The following PDE3A variants were observed in gnomAD, a reference collection of about 807,000 sequenced individuals.
PDE3A encodes cGMP-inhibited 3',5'-cyclic phosphodiesterase 3A.
Under a neutral mutation model 98.3 loss-of-function variants are expected in PDE3A, and 43 were observed. The observed-to-expected ratio is 0.44, with a 90% CI of 0.34 to 0.56. PDE3A has a LOEUF of 0.56. Among genes scored for constraint, PDE3A ranks in the 20% least tolerant of loss-of-function variants. PDE3A has a pLI of 0.01. For synonymous variants in PDE3A, 663 were observed against 567.9 expected, an observed-to-expected ratio of 1.17 and a Z score of -2.38; for missense variants, 1,427 against 1,440.7, an observed-to-expected ratio of 0.99 and a Z score of 0.15.
chr12:20,556,577 C>T (rs1159907424), intron 1 of PDE3A, 83 bp from the exon 2 acceptor site: 7 of 889,840 alleles, frequency 7.9e-6, no homozygotes, highest in Non-Finnish European at 1.3e-5. Flanking sequence ...ATTGGAACAA[C>T]CTGATTATTC....
At chr12:20,426,789 A>G (rs1024392095) in intron 1 of PDE3A, among the ~76,000 whole-genome samples, 5 of 152,250 alleles carry the variant, frequency 3.3e-5, no homozygotes, top group African/African-American at 1.2e-4. Context: ...CAGCAATCAT[A>G]TAAGAATTCC....
chr12:20,547,155 G>A (rs1942080795), intron 1 of PDE3A, among the ~76,000 whole-genome samples: 1 of 151,986 alleles, frequency 6.6e-6, no homozygotes, highest in Admixed American at 6.6e-5. Context: ...CTGATAAAAT[G>A]TCACTTTTTT....
At chr12:20,549,550 A>T (rs982561306) in intron 1 of PDE3A, among the ~76,000 whole-genome samples, 2 of 152,012 alleles carry the variant, frequency 1.3e-5, no homozygotes, top group Non-Finnish European at 2.9e-5. Flanking sequence ...TGGTGCTCTT[A>T]TTGACTGTAG....
Position 20,687,914 on chromosome 12 carries a change from GAAAAAAA to G in PDE3A, c.*7660_*7666del, listed in dbSNP as rs58496505. 1.1e-5 allele frequency among the ~76,000 whole-genome samples: 1 copy of G among 94,312 alleles called. No individual in the cohort carries two copies. The highest frequency in any genetic ancestry group is 1.9e-5 in the Non-Finnish European group (1 of 51,328). 61.9% of individuals were successfully genotyped at this position (94,312 alleles called of 152,430 possible). A position where few individuals can be genotyped will look rare whatever the true frequency, so the allele number is the denominator to read the frequency against. ...GACCAGTCATTACCTCTTCCCAACA[GAAAAAAA>G]AAAAAAAAAAAAAAAACTGGCATTG... is the stretch of plus-strand genomic sequence containing the variant. On this transcript the variant is annotated 3_prime_UTR_variant, in exon 16 of 16. Coordinates refer to ENST00000359062, the MANE Select transcript of PDE3A (RefSeq NM_000921.5).
chr12:20,484,724 G>C (rs1253487969), intron 1 of PDE3A, among the ~76,000 whole-genome samples: 9 of 152,150 alleles, frequency 5.9e-5, no homozygotes, highest in Middle Eastern at 3.2e-3. Flanking sequence ...AATGGCCTCA[G>C]AATTTGAAAG....
At chr12:20,508,293 A>AC (rs796364687) in intron 1 of PDE3A, among the ~76,000 whole-genome samples, 1 of 150,738 alleles carries the variant, frequency 6.6e-6, no homozygotes, top group East Asian at 2.0e-4. Context: ...TGGAAACCCC[A>AC]CCCCCCATAA....
intron 1 of PDE3A, among the ~76,000 whole-genome samples, chr12:20,541,099 T>C (rs1941894467): frequency 1.9e-5 from 2 of 107,818 alleles, no homozygotes. Flanking sequence ...TTTTTTTTTT[T>C]TTTTTTTTTT....
chr12:20,541,480 G>A (rs1475501125), intron 1 of PDE3A, among the ~76,000 whole-genome samples: 1 of 151,952 alleles, frequency 6.6e-6, no homozygotes, highest in Non-Finnish European at 1.5e-5. Context: ...AAAAGAATGA[G>A]CAAGTCTCTC....
intron 1 of PDE3A, among the ~76,000 whole-genome samples, chr12:20,495,131 T>C (rs1211599309): frequency 1.3e-5 from 2 of 152,148 alleles, no homozygotes; most frequent in Non-Finnish European, 2.9e-5. Flanking sequence ...TCCTTTGCCC[T>C]AAGTCTGCCT....
At chr12:20,622,001 C>T (rs1944148004) in intron 5 of PDE3A, among the ~76,000 whole-genome samples, 2 of 152,080 alleles carry the variant, frequency 1.3e-5, no homozygotes, top group East Asian at 1.9e-4. Context: ...GGGAGATTTC[C>T]TCTGACCTTT....
Position 20,491,818 on chromosome 12 carries a change from A to G in PDE3A, c.961-64842A>G, listed in dbSNP as rs530936985. Among the ~76,000 whole-genome samples the G allele has an allele frequency of 1.0e-3, 155 of 152,304 alleles. 1 individual carries two copies. Among genetic ancestry groups the G allele is most frequent in the African/African-American group, 3.6e-3 (148 of 41,562 alleles). ...TAGGTTACTCTACCGGTATAATCGA[A>G]TCTCTTTACAGTAGTAGTTAGTAGT... On this transcript the variant is annotated intron_variant, in intron 1 of 15. Transcript: ENST00000359062.
intron 14 of PDE3A, among the ~76,000 whole-genome samples, chr12:20,652,533 T>A (rs1478316829): frequency 6.6e-6 from 1 of 152,218 alleles, no homozygotes. Context: ...TGATGAGCAT[T>A]TTTTCATGTG....
intron 1 of PDE3A, among the ~76,000 whole-genome samples, chr12:20,541,589 T>A (rs550422826): frequency 1.7e-4 from 26 of 152,172 alleles, no homozygotes; most frequent in African/African-American, 6.3e-4. Flanking sequence ...CAGTTTTAGG[T>A]CATACTTTAC....
At position 20,369,622 on chromosome 12, in the gene PDE3A, C is replaced by T; in HGVS notation, c.338C>T (p.Pro113Leu). The change falls in exon 1 of 16, where the codon CCG (proline) becomes CTG (leucine). Residue 113 changes from proline to leucine, a missense_variant. Pro to Leu is a moderately conservative substitution (Grantham distance 98). Transcript: ENST00000359062. ...CCGGGAGCAGAAGGGGGCGTCTTCC[C>T]GGGGCCTCGGGGAGGTGCTCCCGGG... ...AAPGAEGGVF[P>L]GPRGGAPGGG... The T allele has an allele frequency of 6.3e-7, 1 of 1,580,304 alleles. No homozygotes were observed. The highest frequency in any genetic ancestry group is 8.6e-7 in the Non-Finnish European group (1 of 1,163,914).
intron 2 of PDE3A, among the ~76,000 whole-genome samples, chr12:20,568,727 A>T (rs1368442179): frequency 2.6e-5 from 4 of 152,046 alleles, no homozygotes; most frequent in African/African-American, 9.7e-5. Flanking sequence ...CTGCTTAGAA[A>T]TAATCTCATT....
At chr12:20,370,402 TTTTTTTG>T in intron 1 of PDE3A, 158 bp downstream of exon 1, 1 of 470,076 alleles carries the variant, frequency 2.1e-6, no homozygotes, top group African/African-American at 2.1e-5. Flanking sequence ...TTTTTTTTGT[TTTTTTTG>T]TTTTTTTTTT....
In PDE3A at chr12:20,688,544, G is replaced by A. The variant is rs1158613516; in HGVS notation, c.*8273G>A. Among the ~76,000 whole-genome samples, 1 of 151,676 alleles carries A rather than the reference G, an allele frequency of 6.6e-6. No homozygotes were observed. The highest frequency in any genetic ancestry group is 1.5e-5 in the Non-Finnish European group (1 of 67,926). On this transcript the variant is annotated 3_prime_UTR_variant, in exon 16 of 16. Transcript: ENST00000359062. ...CCTAGATTATCTATGTCGATGTTATGAGTGAAGATAATGTATAATATAAAA... is the reference window on the plus strand; with the variant it reads ...CCTAGATTATCTATGTCGATGTTATAAGTGAAGATAATGTATAATATAAAA...
At chr12:20,621,271 A>T (rs771863880) in intron 4 of PDE3A, 25 bp from the exon 5 acceptor site, 2 of 1,273,580 alleles carry the variant, frequency 1.6e-6, no homozygotes, top group South Asian at 1.2e-5. Context: ...ATTTTCTTTT[A>T]ATTCTGTCTT....
intron 2 of PDE3A, among the ~76,000 whole-genome samples, chr12:20,566,345 G>A (rs1031063289): frequency 6.6e-6 from 1 of 151,902 alleles, no homozygotes; most frequent in Non-Finnish European, 1.5e-5. Context: ...TTTGCTCGCT[G>A]AGTTCTGTGG....
Sources: gnomAD v4.1 joint callset for allele counts (sites outside exome capture counted in the v4.1 genomes callset) on GRCh38, gnomAD v4.1.1 for gene constraint, MANE v1.5 for transcripts, NCBI Gene and HGNC (gene_info 2026-07-23, HGNC 2026-07-21) for gene names.